Variants in PFKL observed in about 807,000 individuals in gnomAD.
PFKL encodes ATP-dependent 6-phosphofructokinase, liver type.
Under a neutral mutation model 92.1 loss-of-function variants are expected in PFKL, and 74 were observed. The ratio of observed to expected loss-of-function variants is 0.80; its 90% CI spans 0.67 to 0.97. PFKL has a LOEUF of 0.97. Ranked by LOEUF, PFKL falls within the 50% of genes least tolerant of loss-of-function variation. PFKL has a pLI of 0.00. For synonymous variants in PFKL, 494 were observed against 456.4 expected (o/e 1.08, Z -1.05); for missense variants, 1,028 against 1,116.6 (o/e 0.92, Z 1.13).
In PFKL at chr21:44,320,147, G is replaced by A; in HGVS notation, c.1191G>A (p.Lys397=). 6.2e-7 allele frequency: 1 copy of A among 1,613,046 alleles called. No homozygotes were observed. Among genetic ancestry groups the A allele is most frequent in the Non-Finnish European group, 8.5e-7 (1 of 1,179,510 alleles). Residue 397 remains lysine, a splice_region_variant and synonymous_variant, in exon 12 of 22, where the codon AAG becomes AAA. Coordinates refer to ENST00000349048, the MANE Select transcript of PFKL (RefSeq NM_002626.6). ...LLAHQKPPKE[K]SNFSLAILNV... is the part of the protein sequence containing the mutation. ...CCCACCAGAAGCCCCCCAAGGAGAA[G>A]GTGAGGCAGGGAGCGGCGCCCACAG...
chr21:44,313,183 C>T (rs372153362), intron 5 of PFKL, 40 bp downstream of exon 5: 9 of 1,605,442 alleles, frequency 5.6e-6, no homozygotes, highest in African/African-American at 1.3e-5. Flanking sequence ...CAGGGCCCCT[C>T]CTCCCCGCAC....
chr21:44,322,459 T>C (rs1490256820), intron 14 of PFKL, among the ~76,000 whole-genome samples: 2 of 152,222 alleles, frequency 1.3e-5, no homozygotes, highest in East Asian at 3.8e-4. Flanking sequence ...GGCGAGCGTC[T>C]GTCCCTGCCT....
In PFKL at chr21:44,320,075, C is replaced by T; in HGVS notation, c.1128-9C>T. On this transcript the variant is annotated splice_polypyrimidine_tract_variant and intron_variant, in intron 11 of 21. Transcript: ENST00000349048. ...GGGCTGTGCATGGTGTGACCCGAAT[C>T]CCTTCCAGGAGCTTCGAGAACAACT... The T allele has an allele frequency of 6.2e-7, 1 of 1,612,952 alleles. No homozygotes were observed. The highest frequency in any genetic ancestry group is 8.5e-7 in the Non-Finnish European group (1 of 1,179,420).
At chr21:44,300,658 T>G (rs2040747108) in intron 1 of PFKL, among the ~76,000 whole-genome samples, 1 of 152,232 alleles carries the variant, frequency 6.6e-6, no homozygotes, top group Non-Finnish European at 1.5e-5. Context: ...GGACCGCGCC[T>G]CCTCCTCGGG....
At position 44,308,736 on chromosome 21, in the gene PFKL, A is replaced by G. The variant is rs1482306013; in HGVS notation, c.159+1982A>G. The stretch of plus-strand genomic sequence containing the variant: ...ACCACCACGCCCAGCTGTTTTTTGT[A>G]TTTTTAGTAGAGACGGGGTTTCACC... On this transcript the variant is annotated intron_variant, in intron 2 of 21. Coordinates refer to ENST00000349048, the MANE Select transcript of PFKL (RefSeq NM_002626.6). 2.6e-5 allele frequency among the ~76,000 whole-genome samples: 4 copies of G among 151,612 alleles called. No individual in the cohort carries two copies. The East Asian group carries it at 7.8e-4, about 29-fold the overall frequency.
At chr21:44,324,465 A>AT (rs2047441940) in intron 16 of PFKL, 26 bp from the exon 17 acceptor site, 1 of 1,608,056 alleles carries the variant, frequency 6.2e-7, no homozygotes, top group Non-Finnish European at 8.5e-7. Flanking sequence ...CACGTGGAGG[A>AT]CCCCCGACCC....
At position 44,316,450 on chromosome 21, in the gene PFKL, G is replaced by A; in HGVS notation, c.862G>A (p.Gly288Ser). The A allele has an allele frequency of 6.2e-7, 1 of 1,611,880 alleles. No individual in the cohort carries two copies. The highest frequency in any genetic ancestry group is 8.5e-7 in the Non-Finnish European group (1 of 1,178,942). Residue 288 changes from glycine (G) to serine (S), a missense_variant, in exon 9 of 22, where the codon GGC becomes AGC. Gly to Ser is a moderately conservative substitution (Grantham distance 56). Transcript: ENST00000349048. ...CCTGCAGCTGGTGGTTCAGAGGCTG[G>A]GCTTCGACACCCGTGTAACTGTGCT... is the stretch of plus-strand genomic sequence containing the variant. The part of the protein sequence containing the change: ...YVKDLVVQRL[G>S]FDTRVTVLGH...
chr21:44,326,842 A>G lies in PFKL; in HGVS notation c.2323A>G (p.Ser775Gly). Residue 775 changes from serine (S) to glycine (G), a missense_variant, in exon 22 of 22, where the codon AGC becomes GGC. Coordinates refer to ENST00000349048, the MANE Select transcript of PFKL (RefSeq NM_002626.6). ...GGAGCACGTGACCCGCCGCACCCTG[A>G]GCATGGACAAGGGCTTCTGAGGCCA... is the stretch of plus-strand genomic sequence containing the variant. ...ELEHVTRRTL[S>G]MDKGF is the part of the protein sequence containing the mutation. 6.2e-7 allele frequency: 1 copy of G among 1,609,920 alleles called. No homozygotes were observed. The highest frequency in any genetic ancestry group is 8.5e-7 in the Non-Finnish European group (1 of 1,178,766).
At chr21:44,306,849 G>A in intron 2 of PFKL, 95 bp downstream of exon 2, 2 of 1,153,386 alleles carry the variant, frequency 1.7e-6, no homozygotes, top group East Asian at 2.5e-5. Context: ...GGGAGACGGG[G>A]TGGTCCTGGC....
chr21:44,313,024 C>G lies in PFKL; in HGVS notation c.474C>G (p.Ile158Met), dbSNP rs377723000. 6.2e-7 allele frequency: 1 copy of G among 1,613,104 alleles called. No individual in the cohort carries two copies. Among genetic ancestry groups the G allele is most frequent in the East Asian group, 2.2e-5 (1 of 44,874 alleles). The change falls in exon 5 of 22, where the codon ATC (isoleucine) becomes ATG (methionine). Residue 158 changes from isoleucine to methionine, a missense_variant. By Grantham distance (10) the Ile-to-Met change is conservative. Coordinates refer to ENST00000349048, the MANE Select transcript of PFKL (RefSeq NM_002626.6). The stretch of plus-strand genomic sequence containing the variant: ...CCCGGACCTACTCGCACCTGAACAT[C>G]GCGGGCCTAGTGGGCTCCATCGATA... ...TTARTYSHLNIAGLVGSIDND... is the reference protein window; with the variant it reads ...TTARTYSHLNMAGLVGSIDND...
chr21:44,322,020 T>C, intron 13 of PFKL, 113 bp from the exon 14 acceptor site: 1 of 1,454,250 alleles, frequency 6.9e-7, no homozygotes, highest in Non-Finnish European at 9.3e-7. Context: ...GGTACTCAGC[T>C]CTGCCTGCAG....
rs1476276468 is a variant in PFKL at position 44,319,366 on chromosome 21, A to G, written c.1078A>G (p.Lys360Glu). 6.2e-7 allele frequency: 1 copy of G among 1,613,664 alleles called. No homozygotes were observed. The highest frequency in any genetic ancestry group is 8.5e-7 in the Non-Finnish European group (1 of 1,179,888). Residue 360 changes from lysine to glutamate, a missense_variant, in exon 11 of 22, where the codon AAA becomes GAA. Coordinates refer to ENST00000349048, the MANE Select transcript of PFKL (RefSeq NM_002626.6). ...ECVQMTKEVQ[K>E]AMDDKRFDEA... Reference sequence around the variant, plus strand: ...CTTCCTTAAGACCAAGGAAGTGCAGAAAGCCATGGATGACAAGAGGTTTGA... The same window carrying G: ...CTTCCTTAAGACCAAGGAAGTGCAGGAAGCCATGGATGACAAGAGGTTTGA...
Position 44,313,681 on chromosome 21 carries a change from G to T in PFKL, c.637G>T (p.Gly213Trp). 6.2e-7 allele frequency: 1 copy of T among 1,611,262 alleles called. No homozygotes were observed. The highest frequency in any genetic ancestry group is 8.5e-7 in the Non-Finnish European group (1 of 1,179,224). Residue 213 changes from glycine (G) to tryptophan (W), a missense_variant and splice_region_variant, in exon 6 of 22, where the codon GGG (glycine) becomes TGG (tryptophan). Gly to Trp is a radical substitution (Grantham distance 184). Coordinates refer to ENST00000349048, the MANE Select transcript of PFKL (RefSeq NM_002626.6). ...GCTGGAAGTGATGGGCCGGCACTGC[G>T]GGTGAGGAGGGGCTTCCTGGCCCGC... ...FVLEVMGRHCGYLALVSALAS... is the reference protein window; with the variant it reads ...FVLEVMGRHCWYLALVSALAS...
intron 1 of PFKL, among the ~76,000 whole-genome samples, chr21:44,306,405 T>C (rs1260752361): frequency 6.6e-6 from 1 of 152,178 alleles, no homozygotes; most frequent in Non-Finnish European, 1.5e-5. Context: ...GGCCCAGGGC[T>C]GGTCCTCAAG....
intron 14 of PFKL, 23 bp downstream of exon 14, chr21:44,322,226 C>T (rs1263012223): frequency 1.9e-6 from 3 of 1,592,010 alleles, no homozygotes; most frequent in East Asian, 4.5e-5. Context: ...CTGCGGGTAC[C>T]TGGGGGCAGG....
chr21:44,320,330 C>G, intron 12 of PFKL, 183 bp downstream of exon 12: 1 of 516,486 alleles, frequency 1.9e-6, no homozygotes, highest in Middle Eastern at 5.1e-4. Context: ...GCTGGCAGGT[C>G]CCGGGTGCTG....
rs762597146 is a variant in PFKL at position 44,324,473 on chromosome 21, C to A, written c.1651-18C>A. On this transcript the variant is annotated intron_variant, in intron 16 of 21. Transcript: ENST00000349048. ...GGGTGGGCACGTGGAGGACCCCCGACCCCCCCTTGTCCCCCAGAGCTGTGA... is the reference window on the plus strand; with the variant it reads ...GGGTGGGCACGTGGAGGACCCCCGAACCCCCCTTGTCCCCCAGAGCTGTGA... 2 of 1,610,040 alleles carry A rather than the reference C, an allele frequency of 1.2e-6. No homozygotes were observed. Among genetic ancestry groups the A allele is most frequent in the Non-Finnish European group, 1.7e-6 (2 of 1,177,882 alleles).
intron 2 of PFKL, 106 bp from the exon 3 acceptor site, chr21:44,310,900 C>A: frequency 1.3e-6 from 1 of 796,922 alleles, no homozygotes; most frequent in Non-Finnish European, 2.1e-6. Flanking sequence ...CAGTCAGCAC[C>A]CTGGTCCTGC....
At position 44,325,018 on chromosome 21, in the gene PFKL, C is replaced by T. The variant is rs547977359; in HGVS notation, c.1877+101C>T. On this transcript the variant is annotated intron_variant, in intron 18 of 21. Transcript: ENST00000349048. ...CTGGGCAGGAGAAGGCAGGAGGGGT[C>T]CTTGGAGAGGGTGGGCCAGGGCGGC... The T allele has an allele frequency of 3.9e-6, 5 of 1,278,642 alleles. No homozygotes were observed. In the Admixed American group the frequency reaches 9.8e-5, roughly 25 times the overall value. 79.2% of individuals were successfully genotyped at this position (1,278,642 alleles called of 1,614,324 possible).
Sources: allele counts gnomAD v4.1 joint callset (sites outside exome capture counted in the v4.1 genomes callset), GRCh38; gene constraint gnomAD v4.1.1; transcripts MANE v1.5; gene names NCBI Gene and HGNC (gene_info 2026-07-23, HGNC 2026-07-21).